The following USP48 variants were observed in gnomAD, a reference collection of about 807,000 sequenced individuals.
USP48 encodes the protein ubiquitin specific peptidase 48.
In USP48, 43 loss-of-function variants were observed where a neutral mutation model predicts 150.7. The ratio of observed to expected loss-of-function variants is 0.29; its 90% CI spans 0.22 to 0.37. The LOEUF (loss-of-function observed/expected upper bound fraction) is 0.37. Among genes scored for constraint, USP48 ranks in the 10% least tolerant of loss-of-function variants. The pLI, the probability that USP48 is intolerant of heterozygous loss-of-function variation, is 1.00. For synonymous variants in USP48, 396 were observed against 425.9 expected (o/e 0.93, Z 0.86); for missense variants, 813 against 1,249.6 (o/e 0.65, Z 5.27).
chr1:21,692,358 T>C (rs979517572), intron 23 of USP48, among the ~76,000 whole-genome samples: 6 of 152,066 alleles, frequency 3.9e-5, no homozygotes, highest in African/African-American at 1.4e-4. Flanking sequence ...CCAGCAAATG[T>C]TCCGGAACCA....
chr1:21,772,338 G>C (rs566243693), intron 1 of USP48, among the ~76,000 whole-genome samples: 36 of 152,100 alleles, frequency 2.4e-4, no homozygotes, highest in Middle Eastern at 3.4e-3. Context: ...AATAAACTAG[G>C]CCGGGCCGGG....
chr1:21,704,488 A>T, intron 19 of USP48, 96 bp from the exon 20 acceptor site: 1 of 1,312,822 alleles, frequency 7.6e-7, no homozygotes, highest in East Asian at 2.5e-5. Context: ...CATTAACACT[A>T]ACATTTAATC....
intron 5 of USP48, 152 bp downstream of exon 5, chr1:21,752,375 T>C (rs2097818570): frequency 3.1e-6 from 3 of 956,420 alleles, no homozygotes; most frequent in South Asian, 3.6e-5. Context: ...CTCACTTGTT[T>C]ATATGTTCCC....
At chr1:21,736,402 TA>T in intron 9 of USP48, 43 bp downstream of exon 9, 1 of 1,518,632 alleles carries the variant, frequency 6.6e-7, no homozygotes, top group Non-Finnish European at 8.9e-7. Flanking sequence ...TCTAGTAAAA[TA>T]AATTTATATT....
At chr1:21,772,932 A>C (rs1462992208) in intron 1 of USP48, among the ~76,000 whole-genome samples, 2 of 150,634 alleles carry the variant, frequency 1.3e-5, no homozygotes, top group Non-Finnish European at 3.0e-5. Context: ...AAAAAAAAAA[A>C]ACCAAGAAAG....
rs1238227870 is a variant in USP48 at position 21,736,630 on chromosome 1, AGAGAAAGG to A, written c.992-13_992-6del. 1.4e-6 allele frequency: 2 copies of A among 1,380,224 alleles called. No homozygotes were observed. The highest frequency in any genetic ancestry group is 2.8e-5 in the Admixed American group (1 of 35,478). 85.5% of individuals were successfully genotyped at this position (1,380,224 alleles called of 1,614,324 possible). On this transcript the variant is annotated splice_region_variant and splice_polypyrimidine_tract_variant and intron_variant, in intron 8 of 26. Coordinates refer to ENST00000308271, the MANE Select transcript of USP48 (RefSeq NM_032236.8). Reference sequence around the variant, plus strand: ...GTTCATACACGTAGGACCCACCTGGAGAGAAAGGGAGAAAGTAAAAGAAACGTTGGATA... The same window carrying A: ...GTTCATACACGTAGGACCCACCTGGAGAGAAAGTAAAAGAAACGTTGGATA...
At chr1:21,754,850 C>G (rs1030842172) in intron 3 of USP48, among the ~76,000 whole-genome samples, 1 of 152,134 alleles carries the variant, frequency 6.6e-6, no homozygotes, top group Admixed American at 6.5e-5. Flanking sequence ...TTCTCATGGA[C>G]AGTTTCTAGT....
chr1:21,742,578 A>AAAAAGAAAAG (rs201552575), intron 8 of USP48, among the ~76,000 whole-genome samples: 7 of 149,472 alleles, frequency 4.7e-5, no homozygotes, highest in African/African-American at 1.5e-4. Flanking sequence ...AAAGAAAAAG[A>AAAAAGAAAAG]AAAAGAAAAG....
At chr1:21,725,123 A>G (rs1424325820) in intron 11 of USP48, 1 of 152,212 alleles carries the variant, frequency 6.6e-6, no homozygotes, top group Non-Finnish European at 1.5e-5. Flanking sequence ...CTCAATTTTT[A>G]TGAAAACAAA....
chr1:21,679,316 T>C lies in USP48; in HGVS notation c.*101A>G. 1 of 1,457,708 alleles carries C rather than the reference T, an allele frequency of 6.9e-7. No individual in the cohort carries two copies. Among genetic ancestry groups the C allele is most frequent in the South Asian group, 1.1e-5 (1 of 87,720 alleles). The allele number at this position is 1,457,708 out of a possible 1,614,324, so 90.3% of individuals were successfully genotyped here. A position where few individuals can be genotyped will look rare whatever the true frequency, so the allele number is the denominator to read the frequency against. The stretch of plus-strand genomic sequence containing the variant: ...ATTTCTGCCTTTTGGAAGGGGCATG[T>C]AATGGTTTAATTCTTAAATCCACCT... On this transcript the variant is annotated 3_prime_UTR_variant, in exon 27 of 27. Transcript: ENST00000308271.
At chr1:21,727,518 T>C (rs968244654) in intron 11 of USP48, among the ~76,000 whole-genome samples, 2 of 152,210 alleles carry the variant, frequency 1.3e-5, no homozygotes, top group African/African-American at 4.8e-5. Flanking sequence ...AGTCCCTTTC[T>C]CTTGCCCAGT....
intron 1 of USP48, among the ~76,000 whole-genome samples, chr1:21,779,192 T>G (rs1012332344): frequency 3.3e-5 from 5 of 152,062 alleles, no homozygotes; most frequent in Non-Finnish European, 7.4e-5. Flanking sequence ...GAGCCATGAT[T>G]GCACTGCAAT....
At chr1:21,753,442 C>A (rs1372279018) in intron 3 of USP48, among the ~76,000 whole-genome samples, 1 of 151,726 alleles carries the variant, frequency 6.6e-6, no homozygotes, top group East Asian at 1.9e-4. Context: ...GTAATCCCAG[C>A]TACTTGGGAG....
chr1:21,721,123 G>A lies in USP48; in HGVS notation c.1807C>T (p.Arg603Cys). 6.2e-7 allele frequency: 1 copy of A among 1,614,206 alleles called. No homozygotes were observed. Among genetic ancestry groups the A allele is most frequent in the Non-Finnish European group, 8.5e-7 (1 of 1,180,032 alleles). The change falls in exon 14 of 27, where the codon CGC (arginine) becomes TGC (cysteine). Residue 603 changes from arginine (R) to cysteine (C), a missense_variant. Physicochemically the swap from Arg to Cys is radical, Grantham distance 180 (BLOSUM62 -3). Coordinates refer to ENST00000308271, the MANE Select transcript of USP48 (RefSeq NM_032236.8). ...TCCAGCTGTTCAAGAGCTAGCTGGC[G>A]CCAACTCCGCAAGGAGGACTTCCCC... Reference protein sequence around the residue: ...WVGKSSLRSWRQLALEQLDEQ... With the variant: ...WVGKSSLRSWCQLALEQLDEQ...
chr1:21,714,501 G>A (rs964220256), intron 15 of USP48, among the ~76,000 whole-genome samples: 5 of 152,046 alleles, frequency 3.3e-5, no homozygotes, highest in Admixed American at 1.3e-4. Flanking sequence ...GGGCTCAAGC[G>A]ATCCTCCTAC....
chr1:21,751,654 T>C, intron 5 of USP48, 39 bp from the exon 6 acceptor site: 2 of 1,510,484 alleles, frequency 1.3e-6, no homozygotes, highest in South Asian at 2.3e-5. Flanking sequence ...GATCAGAGTG[T>C]GAAAAGCAAC....
At chr1:21,708,483 C>A (rs1007322962) in intron 15 of USP48, among the ~76,000 whole-genome samples, 4 of 151,526 alleles carry the variant, frequency 2.6e-5, no homozygotes, top group African/African-American at 9.7e-5. Context: ...GGGCGAGGAG[C>A]AAGACTCTGT....
chr1:21,679,758 C>T (rs762337643), intron 26 of USP48, among the ~76,000 whole-genome samples: 6 of 152,200 alleles, frequency 3.9e-5, no homozygotes, highest in Non-Finnish European at 8.8e-5. Flanking sequence ...TGCAGTGGTG[C>T]AATCCTGGCT....
Position 21,774,136 on chromosome 1 carries a change from G to A in USP48, c.134+8688C>T, listed in dbSNP as rs756042200. On this transcript the variant is annotated intron_variant, in intron 1 of 26. Coordinates refer to ENST00000308271, the MANE Select transcript of USP48 (RefSeq NM_032236.8). ...GGAGGTTGCAGTGAGAGCAGATAAC[G>A]CCACTGCACTCCAGCCTGGGTGACA... is the stretch of plus-strand genomic sequence containing the variant. Among the ~76,000 whole-genome samples, 6 of 150,964 alleles carry A rather than the reference G, an allele frequency of 4.0e-5. 1 individual carries two copies. The highest frequency in any genetic ancestry group is 1.9e-4 in the East Asian group (1 of 5,130).
Sources: gnomAD v4.1 joint callset for allele counts (sites outside exome capture counted in the v4.1 genomes callset) on GRCh38, gnomAD v4.1.1 for gene constraint, MANE v1.5 for transcripts, NCBI Gene and HGNC (gene_info 2026-07-23, HGNC 2026-07-21) for gene names.